PCDH15: variants seen among roughly 807,000 people sequenced by gnomAD.
PCDH15 encodes the protein protocadherin-15.
A neutral mutation model predicts 178.5 loss-of-function variants in PCDH15; 129 were observed. That is an observed-to-expected ratio of 0.72 (90% CI 0.63 to 0.84). The LOEUF is 0.84. Among genes scored for constraint, PCDH15 ranks in the 40% least tolerant of loss-of-function variants. The pLI is 0.00. For missense variants in PCDH15, 2,230 were observed against 2,099.9 expected, an observed-to-expected ratio of 1.06 and a Z score of -1.21; for synonymous variants, 800 against 732.0, an observed-to-expected ratio of 1.09 and a Z score of -1.50.
intron 1 of PCDH15, among the ~76,000 whole-genome samples, chr10:54,751,443 C>T (rs1014638826): frequency 6.6e-5 from 10 of 152,124 alleles, no homozygotes; most frequent in African/African-American, 1.7e-4. Context: ...CTGCTAAATA[C>T]ATAACTGGCA....
At chr10:55,468,668 G>A (rs999144889) in intron 2 of PCDH15, among the ~76,000 whole-genome samples, 2 of 152,056 alleles carry the variant, frequency 1.3e-5, no homozygotes, top group East Asian at 3.9e-4. Context: ...TTTGTCTAAG[G>A]TTTAGTCTTT....
chr10:54,517,885 C>G (rs2082395755), intron 3 of PCDH15, among the ~76,000 whole-genome samples: 1 of 152,116 alleles, frequency 6.6e-6, no homozygotes, highest in African/African-American at 2.4e-5. Context: ...TGCAATCAAA[C>G]TAGAACTCAA....
At chr10:54,576,377 C>T (rs916713434) in intron 2 of PCDH15, among the ~76,000 whole-genome samples, 2 of 152,170 alleles carry the variant, frequency 1.3e-5, no homozygotes, top group African/African-American at 4.8e-5. Context: ...AATCACTGAT[C>T]AGCTGACATC....
chr10:54,195,413 T>C (rs1448314077), intron 11 of PCDH15, among the ~76,000 whole-genome samples: 1 of 152,200 alleles, frequency 6.6e-6, no homozygotes, highest in East Asian at 1.9e-4. Flanking sequence ...TTAATAAAAA[T>C]ATTGCCCTCG....
chr10:54,857,521 A>T (rs1049946914), intron 3 of PCDH15, among the ~76,000 whole-genome samples: 5 of 152,134 alleles, frequency 3.3e-5, no homozygotes, highest in Non-Finnish European at 7.4e-5. Context: ...ATCATAGCTC[A>T]CTGCAACCTC....
At chr10:54,900,176 A>G (rs1359461310) in intron 2 of PCDH15, among the ~76,000 whole-genome samples, 1 of 152,224 alleles carries the variant, frequency 6.6e-6, no homozygotes, top group Admixed American at 6.5e-5. Flanking sequence ...CAACTGGAAT[A>G]TATCAGTAAA....
intron 2 of PCDH15, among the ~76,000 whole-genome samples, chr10:54,624,196 T>G (rs529870227): frequency 4.0e-5 from 6 of 151,878 alleles, no homozygotes; most frequent in South Asian, 4.1e-4. Flanking sequence ...GGTAAAGAAA[T>G]AAATAAATAA....
At chr10:54,123,771 G>A (rs993850116) in intron 15 of PCDH15, among the ~76,000 whole-genome samples, 1 of 151,934 alleles carries the variant, frequency 6.6e-6, no homozygotes, top group African/African-American at 2.4e-5. Flanking sequence ...CATCGGTGGT[G>A]GAGCATATAA....
intron 20 of PCDH15, among the ~76,000 whole-genome samples, chr10:54,005,013 C>G (rs2092334198): frequency 6.7e-6 from 1 of 150,058 alleles, no homozygotes. Flanking sequence ...TAAATTTACA[C>G]AACTACAGCA....
At chr10:55,153,921 A>C (rs1457619286) in intron 2 of PCDH15, among the ~76,000 whole-genome samples, 1 of 152,224 alleles carries the variant, frequency 6.6e-6, no homozygotes, top group Non-Finnish European at 1.5e-5. Flanking sequence ...AATCCTTATA[A>C]GGATGGAAAC....
In PCDH15 at chr10:54,369,208, A is replaced by C. The variant is rs1330084526; in HGVS notation, c.386T>G (p.Ile129Ser). Residue 129 changes from isoleucine to serine, a missense_variant, in exon 5 of 38, where the codon ATC becomes AGC. Physicochemically the swap from Ile to Ser is moderately radical, Grantham distance 142. Transcript: ENST00000644397. ...CACCACTATTCGCACTTCATGGTAG[A>C]TAATAGTGCCCACTTTTTTGTTGAT... ...QCINKKVGTI[I>S]YHEVRIVVRD... is the part of the protein sequence containing the mutation. 1.1e-5 allele frequency: 17 copies of C among 1,612,982 alleles called. No individual in the cohort carries two copies. The highest frequency in any genetic ancestry group is 1.4e-5 in the Non-Finnish European group (17 of 1,179,388).
chr10:55,144,017 A>G (rs111850733), intron 2 of PCDH15, among the ~76,000 whole-genome samples: 26 of 85,072 alleles, frequency 3.1e-4, no homozygotes, highest in East Asian at 5.8e-4. Context: ...GTGTAAGGGG[A>G]AAAAAAACAC....
rs900955201 is a variant in PCDH15 at position 53,806,328 on chromosome 10, A to T, written c.*251T>A. ...AAAATGAACAAAAATTCAAGACCCA[A>T]CAAAACAGCTAAATGTTTAAACGAT... On this transcript the variant is annotated 3_prime_UTR_variant, in exon 38 of 38. Transcript: ENST00000644397. 2 of 378,052 alleles carry T rather than the reference A, an allele frequency of 5.3e-6. No individual in the cohort carries two copies. The highest frequency in any genetic ancestry group is 2.1e-5 in the African/African-American group (1 of 48,294). The allele number at this position is 378,052 out of a possible 1,614,324, so 23.4% of individuals were successfully genotyped here. A position where few individuals can be genotyped will look rare whatever the true frequency, so the allele number is the denominator to read the frequency against.
intron 32 of PCDH15, chr10:53,821,275 C>T (rs932867217): frequency 4.1e-6 from 4 of 984,890 alleles, no homozygotes; most frequent in Non-Finnish European, 4.8e-6. Context: ...ATGTTCTTAT[C>T]AGAAAACAGA....
chr10:53,925,602 C>T (rs2133926086), intron 25 of PCDH15, among the ~76,000 whole-genome samples: 1 of 152,340 alleles, frequency 6.6e-6, no homozygotes, highest in East Asian at 1.9e-4. Context: ...TTCACTAGCT[C>T]ATCTCCTCTT....
intron 20 of PCDH15, among the ~76,000 whole-genome samples, chr10:54,010,293 T>A (rs1239470813): frequency 6.6e-6 from 1 of 151,880 alleles, no homozygotes; most frequent in East Asian, 1.9e-4. Context: ...CCTTGCTACT[T>A]CTCACCGGGC....
intron 3 of PCDH15, among the ~76,000 whole-genome samples, chr10:54,868,463 C>A (rs1029171338): frequency 6.6e-6 from 1 of 152,154 alleles, no homozygotes; most frequent in Non-Finnish European, 1.5e-5. Flanking sequence ...ACCCTCACAG[C>A]TATCCTCTCC....
intron 1 of PCDH15, among the ~76,000 whole-genome samples, chr10:55,210,079 T>G (rs1439432522): frequency 1.3e-5 from 2 of 151,828 alleles, no homozygotes; most frequent in South Asian, 2.1e-4. Flanking sequence ...AGAGGGGTTT[T>G]GGGAAGAGGC....
At chr10:55,437,079 A>C (rs1454848819) in intron 2 of PCDH15, among the ~76,000 whole-genome samples, 1 of 152,178 alleles carries the variant, frequency 6.6e-6, no homozygotes. Context: ...CATAATATAA[A>C]AGCGATGACT....
Sources: allele counts gnomAD v4.1 joint callset (sites outside exome capture counted in the v4.1 genomes callset), GRCh38; gene constraint gnomAD v4.1.1; transcripts MANE v1.5; gene names NCBI Gene and HGNC (gene_info 2026-07-23, HGNC 2026-07-21).